The following BMPR2 variants were observed in gnomAD, a reference collection of about 807,000 sequenced individuals.
BMPR2 encodes bone morphogenetic protein receptor type 2, also known as bone morphogenetic protein receptor type-2.
In BMPR2, 29 loss-of-function variants were observed where a neutral mutation model predicts 100.8. That is an observed-to-expected ratio of 0.29 (90% CI 0.21 to 0.39). The LOEUF is 0.39. Ranked by LOEUF, BMPR2 falls within the 10% of genes least tolerant of loss-of-function variation. The pLI, the probability that BMPR2 is intolerant of heterozygous loss-of-function variation, is 1.00. For synonymous variants in BMPR2, 382 were observed against 442.3 expected, an observed-to-expected ratio of 0.86 and a Z score of 1.71; for missense variants, 1,011 against 1,274.5, an observed-to-expected ratio of 0.79 and a Z score of 3.15.
At chr2:202,440,806 A>G (rs372918676) in intron 1 of BMPR2, among the ~76,000 whole-genome samples, 13 of 150,322 alleles carry the variant, frequency 8.6e-5, no homozygotes, top group Middle Eastern at 3.4e-3. Flanking sequence ...GAGACCGGGG[A>G]GACTGGGGAG....
chr2:202,382,352 C>G (rs1690321235), intron 1 of BMPR2, among the ~76,000 whole-genome samples: 1 of 151,980 alleles, frequency 6.6e-6, no homozygotes, highest in African/African-American at 2.4e-5. Flanking sequence ...GCCACCACAC[C>G]CGAAATTTTT....
chr2:202,536,603 T>C (rs1200102000), intron 9 of BMPR2, among the ~76,000 whole-genome samples: 1 of 149,192 alleles, frequency 6.7e-6, no homozygotes, highest in African/African-American at 2.5e-5. Context: ...CCGGGTGCGG[T>C]GGCTCACGCC....
chr2:202,484,546 G>A (rs971181329), intron 3 of BMPR2, among the ~76,000 whole-genome samples: 19 of 151,898 alleles, frequency 1.3e-4, no homozygotes, highest in Non-Finnish European at 2.5e-4. Flanking sequence ...GGTGGCAGGC[G>A]CCTGTAGTCC....
chr2:202,377,661 G>C, intron 1 of BMPR2, 111 bp downstream of exon 1: 2 of 1,296,278 alleles, frequency 1.5e-6, no homozygotes, highest in Non-Finnish European at 2.2e-6. Context: ...CCCCCCGATC[G>C]CGGTGCAGCG....
At chr2:202,487,528 C>A (rs1692803295) in intron 3 of BMPR2, among the ~76,000 whole-genome samples, 1 of 152,170 alleles carries the variant, frequency 6.6e-6, no homozygotes, top group Non-Finnish European at 1.5e-5. Flanking sequence ...ATATTTGAGG[C>A]TGCTTCTCTA....
rs1312568968 is a variant in BMPR2 at position 202,466,512 on chromosome 2, C to G, written c.248-1007C>G. Among the ~76,000 whole-genome samples, 5 of 152,152 alleles carry G rather than the reference C, an allele frequency of 3.3e-5. No homozygotes were observed. The East Asian group carries it at 9.6e-4, about 29-fold the overall frequency. ...ATGTTGGCCAGGGTGGTCTCGATCT[C>G]CTGACCCTCATGATCCGCCCACTTC... On this transcript the variant is annotated intron_variant, in intron 2 of 12. Coordinates refer to ENST00000374580, the MANE Select transcript of BMPR2 (RefSeq NM_001204.7).
rs1007278589 is a variant in BMPR2 at position 202,565,556 on chromosome 2, A to T, written c.*5610A>T. 1 of 152,608 alleles carries T rather than the reference A, an allele frequency of 6.6e-6. No individual in the cohort carries two copies. Among genetic ancestry groups the T allele is most frequent in the African/African-American group, 2.4e-5 (1 of 41,454 alleles). The allele number at this position is 152,608 out of a possible 1,614,324, so 9.5% of individuals were successfully genotyped here. A position where few individuals can be genotyped will look rare whatever the true frequency, so the allele number is the denominator to read the frequency against. ...TTTTATATTCTCATTAGTTATAACT[A>T]AAAAGCCATGCACACAGAATTGTAT... is the stretch of plus-strand genomic sequence containing the variant. On this transcript the variant is annotated 3_prime_UTR_variant, in exon 13 of 13. Transcript: ENST00000374580.
chr2:202,547,739 T>C (rs1485271467), intron 10 of BMPR2, among the ~76,000 whole-genome samples: 1 of 130,002 alleles, frequency 7.7e-6, no homozygotes, highest in Non-Finnish European at 1.6e-5. Context: ...ACAGAGATCA[T>C]GCCACTGCAA....
In BMPR2 at chr2:202,567,567, C is replaced by T. The variant is rs1688785093; in HGVS notation, c.*7621C>T. The T allele has an allele frequency of 6.6e-6, 1 of 152,408 alleles. No individual in the cohort carries two copies. The highest frequency in any genetic ancestry group is 1.5e-5 in the Non-Finnish European group (1 of 67,994). 9.4% of individuals were successfully genotyped at this position (152,408 alleles called of 1,614,324 possible). On this transcript the variant is annotated 3_prime_UTR_variant, in exon 13 of 13. Transcript: ENST00000374580. ...TGCCACTATGAAAGCTGACATTAAG[C>T]CACTAAAGAGTTTTCTATGAATAAG... is the stretch of plus-strand genomic sequence containing the variant.
At chr2:202,455,631 A>G (rs997477879) in intron 1 of BMPR2, among the ~76,000 whole-genome samples, 4 of 152,182 alleles carry the variant, frequency 2.6e-5, no homozygotes, top group African/African-American at 9.6e-5. Context: ...GAACTCCTTT[A>G]AGAAGTGGAG....
At chr2:202,454,853 C>T (rs923760780) in intron 1 of BMPR2, among the ~76,000 whole-genome samples, 1 of 152,142 alleles carries the variant, frequency 6.6e-6, no homozygotes, top group African/African-American at 2.4e-5. Flanking sequence ...CTTGAAACAA[C>T]AGCAATTTAT....
At chr2:202,540,155 C>CT (rs1454895927) in intron 9 of BMPR2, among the ~76,000 whole-genome samples, 2 of 151,950 alleles carry the variant, frequency 1.3e-5, no homozygotes, top group Non-Finnish European at 2.9e-5. Context: ...CCTTTAGCAA[C>CT]TTTTAAAATT....
intron 3 of BMPR2, 74 bp downstream of exon 3, chr2:202,467,763 A>C: frequency 6.7e-7 from 1 of 1,498,542 alleles, no homozygotes; most frequent in Non-Finnish European, 9.3e-7. Context: ...AACTTAAAAA[A>C]CATTCAAGGT....
intron 1 of BMPR2, among the ~76,000 whole-genome samples, chr2:202,450,858 G>T (rs921310669): frequency 6.6e-6 from 1 of 152,150 alleles, no homozygotes; most frequent in Non-Finnish European, 1.5e-5. Flanking sequence ...AACAGAATTT[G>T]TGATACTCTG....
chr2:202,470,211 G>A (rs1273347369), intron 3 of BMPR2, among the ~76,000 whole-genome samples: 1 of 151,794 alleles, frequency 6.6e-6, no homozygotes, highest in Non-Finnish European at 1.5e-5. Context: ...GTGTGCTGGT[G>A]CATGCCTGTA....
At chr2:202,525,570 G>A (rs1342184804) in intron 7 of BMPR2, among the ~76,000 whole-genome samples, 5 of 152,130 alleles carry the variant, frequency 3.3e-5, no homozygotes, top group Non-Finnish European at 7.4e-5. Context: ...AAAAGGAATT[G>A]TCCCTTTCTG....
At chr2:202,488,624 G>A (rs956294294) in intron 3 of BMPR2, among the ~76,000 whole-genome samples, 5 of 151,910 alleles carry the variant, frequency 3.3e-5, no homozygotes, top group Non-Finnish European at 5.9e-5. Context: ...GTAGAGACAG[G>A]GTCTTGCTGT....
chr2:202,530,667 TTC>T (rs201647824), intron 7 of BMPR2, 125 bp from the exon 8 acceptor site: 10 of 782,972 alleles, frequency 1.3e-5, no homozygotes, highest in Admixed American at 8.5e-5. Context: ...AAATTCCGAT[TTC>T]TCTTTTTTTG....
intron 3 of BMPR2, among the ~76,000 whole-genome samples, chr2:202,486,867 A>G (rs1422696734): frequency 6.6e-6 from 1 of 151,906 alleles, no homozygotes; most frequent in African/African-American, 2.4e-5. Flanking sequence ...CTCTACAAGA[A>G]ATTTTTAAAA....
Sources: gnomAD v4.1 joint callset for allele counts (sites outside exome capture counted in the v4.1 genomes callset) on GRCh38, gnomAD v4.1.1 for gene constraint, MANE v1.5 for transcripts, NCBI Gene and HGNC (gene_info 2026-07-23, HGNC 2026-07-21) for gene names.